SLC24A3: variants seen among roughly 807,000 people sequenced by gnomAD.
SLC24A3 encodes the protein sodium/potassium/calcium exchanger 3.
Under a neutral mutation model 75.8 loss-of-function variants are expected in SLC24A3, and 28 were observed. The observed-to-expected ratio is 0.37, with a 90% CI of 0.27 to 0.51. The LOEUF is 0.51. Among genes scored for constraint, SLC24A3 ranks in the 20% least tolerant of loss-of-function variants. The pLI, the probability that SLC24A3 is intolerant of heterozygous loss-of-function variation, is 0.94. For missense variants in SLC24A3, 663 were observed against 847.8 expected (o/e 0.78, Z 2.71); for synonymous variants, 372 against 334.1 (o/e 1.11, Z -1.24).
chr20:19,581,890 G>A (rs2031223288), intron 4 of SLC24A3, among the ~76,000 whole-genome samples: 1 of 152,200 alleles, frequency 6.6e-6, no homozygotes, highest in Admixed American at 6.5e-5. Flanking sequence ...CAGCGATACT[G>A]GAGGAGTGGG....
chr20:19,554,625 A>G (rs1319214252), intron 3 of SLC24A3, among the ~76,000 whole-genome samples: 1 of 152,238 alleles, frequency 6.6e-6, no homozygotes, highest in Non-Finnish European at 1.5e-5. Context: ...GAAACCATGC[A>G]AAGCCTCTAA....
At chr20:19,550,361 A>G (rs1167272699) in intron 3 of SLC24A3, among the ~76,000 whole-genome samples, 1 of 152,222 alleles carries the variant, frequency 6.6e-6, no homozygotes, top group African/African-American at 2.4e-5. Context: ...ACATAGTATC[A>G]TTGAGCTAAA....
chr20:19,286,171 A>G (rs1983812453), intron 2 of SLC24A3, among the ~76,000 whole-genome samples: 1 of 152,232 alleles, frequency 6.6e-6, no homozygotes, highest in South Asian at 2.1e-4. Flanking sequence ...GACCAAAGTC[A>G]GGCTGGCAGG....
At chr20:19,537,323 C>T (rs1396391390) in intron 3 of SLC24A3, among the ~76,000 whole-genome samples, 1 of 152,140 alleles carries the variant, frequency 6.6e-6, no homozygotes, top group South Asian at 2.1e-4. Flanking sequence ...AAAACCACAG[C>T]GAGATACCAT....
intron 2 of SLC24A3, among the ~76,000 whole-genome samples, chr20:19,340,734 T>C (rs1429565440): frequency 2.0e-5 from 3 of 152,204 alleles, no homozygotes; most frequent in African/African-American, 7.2e-5. Flanking sequence ...AGAAATAACA[T>C]GATGAGCTCA....
rs1184768973 is a variant in SLC24A3, at chr20:19,693,242, C to CT, written c.1325-12dup. 4 of 1,589,412 alleles carry CT rather than the reference C, an allele frequency of 2.5e-6. No individual in the cohort carries two copies. In the African/African-American group the frequency reaches 5.5e-5, roughly 22 times the overall value. ...TATTTTTTTTTTATTTCTTTTTGGC[C>CT]TTTTTCATTTTTCCAGCGGGTAAAC... On this transcript the variant is annotated splice_polypyrimidine_tract_variant and intron_variant, in intron 12 of 16. Coordinates refer to ENST00000328041, the MANE Select transcript of SLC24A3 (RefSeq NM_020689.4).
At chr20:19,501,824 T>C (rs776053838) in intron 2 of SLC24A3, among the ~76,000 whole-genome samples, 26 of 152,116 alleles carry the variant, frequency 1.7e-4, no homozygotes, top group Non-Finnish European at 3.7e-4. Flanking sequence ...TGCAATTAGC[T>C]CACCTCCCAG....
chr20:19,472,471 C>A (rs1486502344), intron 2 of SLC24A3, among the ~76,000 whole-genome samples: 1 of 152,210 alleles, frequency 6.6e-6, no homozygotes, highest in Non-Finnish European at 1.5e-5. Flanking sequence ...AATGACAATG[C>A]CAGTGATGAG....
At chr20:19,539,295 A>T (rs2030455660) in intron 3 of SLC24A3, among the ~76,000 whole-genome samples, 1 of 152,184 alleles carries the variant, frequency 6.6e-6, no homozygotes, top group African/African-American at 2.4e-5. Flanking sequence ...ACACTGGAGC[A>T]CAGTCTTCCT....
At chr20:19,218,943 G>A (rs1981634751) in intron 1 of SLC24A3, among the ~76,000 whole-genome samples, 1 of 152,082 alleles carries the variant, frequency 6.6e-6, no homozygotes, top group South Asian at 2.1e-4. Flanking sequence ...AAGTTGCAAA[G>A]CAAATGGGTT....
At chr20:19,517,451 C>G (rs1235406352) in intron 3 of SLC24A3, among the ~76,000 whole-genome samples, 2 of 152,152 alleles carry the variant, frequency 1.3e-5, no homozygotes, top group Non-Finnish European at 2.9e-5. Flanking sequence ...CCCAGGATAC[C>G]CAGGAAGGTT....
At chr20:19,538,910 G>C (rs907888942) in intron 3 of SLC24A3, among the ~76,000 whole-genome samples, 7 of 152,246 alleles carry the variant, frequency 4.6e-5, no homozygotes, top group Non-Finnish European at 4.4e-5. Context: ...ACAACAGAAT[G>C]CTATGCAACA....
intron 1 of SLC24A3, among the ~76,000 whole-genome samples, chr20:19,220,476 C>A (rs889333646): frequency 1.3e-5 from 2 of 152,132 alleles, no homozygotes; most frequent in African/African-American, 4.8e-5. Flanking sequence ...AGGACCTTGA[C>A]AATAGAACAA....
intron 1 of SLC24A3, among the ~76,000 whole-genome samples, chr20:19,217,452 C>T (rs1281472928): frequency 4.6e-5 from 7 of 152,140 alleles, no homozygotes; most frequent in Non-Finnish European, 5.9e-5. Flanking sequence ...TACACACAGA[C>T]GTATGTATGT....
At chr20:19,371,627 C>T (rs936378359) in intron 2 of SLC24A3, among the ~76,000 whole-genome samples, 1 of 152,196 alleles carries the variant, frequency 6.6e-6, no homozygotes, top group East Asian at 1.9e-4. Context: ...AAAATCCCCA[C>T]ACTCTCCATA....
chr20:19,537,452 T>C (rs2030419169), intron 3 of SLC24A3, among the ~76,000 whole-genome samples: 1 of 152,174 alleles, frequency 6.6e-6, no homozygotes, highest in Non-Finnish European at 1.5e-5. Flanking sequence ...GTTCAACCAT[T>C]GTGGAAGTCA....
At chr20:19,478,659 G>C (rs1309671720) in intron 2 of SLC24A3, among the ~76,000 whole-genome samples, 4 of 152,170 alleles carry the variant, frequency 2.6e-5, no homozygotes, top group African/African-American at 7.2e-5. Flanking sequence ...AACAAGAGGA[G>C]TCTGGGCCCA....
chr20:19,430,050 C>T (rs1465088447), intron 2 of SLC24A3, among the ~76,000 whole-genome samples: 1 of 152,090 alleles, frequency 6.6e-6, no homozygotes, highest in Non-Finnish European at 1.5e-5. Flanking sequence ...GAACTGAGTC[C>T]CAAGGGGGAG....
Position 19,396,442 on chromosome 20 carries a change from TTC to T in SLC24A3, c.271+115359_271+115360del, listed in dbSNP as rs534833304. Among the ~76,000 whole-genome samples the T allele has an allele frequency of 3.9e-5, 6 of 152,368 alleles. No homozygotes were observed. In the South Asian group the frequency reaches 1.2e-3, roughly 32 times the overall value. On this transcript the variant is annotated intron_variant, in intron 2 of 16. Coordinates refer to ENST00000328041, the MANE Select transcript of SLC24A3 (RefSeq NM_020689.4). ...ACAAATTAGTAATGAGCTATTTAAA[TTC>T]TCTTTTTATAGTAATTCTTCAAAAT... is the stretch of plus-strand genomic sequence containing the variant.
Sources: gnomAD v4.1 joint callset for allele counts (sites outside exome capture counted in the v4.1 genomes callset) on GRCh38, gnomAD v4.1.1 for gene constraint, MANE v1.5 for transcripts, NCBI Gene and HGNC (gene_info 2026-07-23, HGNC 2026-07-21) for gene names.